Variants in FRA10AC1 observed in about 807,000 individuals in gnomAD.
FRA10AC1 encodes the protein FRA10A associated CGG repeat 1, also known as protein FRA10AC1.
Under a neutral mutation model 56.5 loss-of-function variants are expected in FRA10AC1, and 43 were observed. The observed-to-expected ratio is 0.76, with a 90% CI of 0.60 to 0.98. The LOEUF (loss-of-function observed/expected upper bound fraction) is 0.98. Ranked by LOEUF, FRA10AC1 falls within the 50% of genes least tolerant of loss-of-function variation. FRA10AC1 has a pLI of 0.00. For missense variants in FRA10AC1, 346 were observed against 351.8 expected, an observed-to-expected ratio of 0.98 and a Z score of 0.13; for synonymous variants, 112 against 110.5, an observed-to-expected ratio of 1.01 and a Z score of -0.09.
chr10:93,672,254 G>A lies in FRA10AC1; in HGVS notation c.827-1406C>T, dbSNP rs901914634. ...GTGTGTCTGAACTTTGCTCCTAACT[G>A]AATCTATTCTGACACCAATTCTAGC... On this transcript the variant is annotated intron_variant, in intron 12 of 13. Coordinates refer to ENST00000359204, the MANE Select transcript of FRA10AC1 (RefSeq NM_145246.5). The A allele has an allele frequency of 3.4e-5, 8 of 233,532 alleles. No individual in the cohort carries two copies. The East Asian group carries it at 1.1e-3, about 31-fold the overall frequency. The allele number at this position is 233,532 out of a possible 1,614,324, so 14.5% of individuals were successfully genotyped here. A position where few individuals can be genotyped will look rare whatever the true frequency, so the allele number is the denominator to read the frequency against.
rs970865144 is a variant in FRA10AC1 at position 93,676,752 on chromosome 10, C to G, written c.788-61G>C. The stretch of plus-strand genomic sequence containing the variant: ...TCTTGTAATAGTGCAATCATTGTAG[C>G]TATAACCAGAATTCTTAGCAATATT... On this transcript the variant is annotated intron_variant, in intron 11 of 13. Transcript: ENST00000359204. The G allele has an allele frequency of 8.1e-6, 12 of 1,486,336 alleles. No individual in the cohort carries two copies. In the African/African-American group the frequency reaches 1.4e-4, roughly 18 times the overall value. 92.1% of individuals were successfully genotyped at this position (1,486,336 alleles called of 1,614,324 possible).
At chr10:93,697,064 TAATAA>T (rs946844555) in intron 4 of FRA10AC1, among the ~76,000 whole-genome samples, 24 of 151,696 alleles carry the variant, frequency 1.6e-4, no homozygotes, top group African/African-American at 5.6e-4. Context: ...GAATTTAAAG[TAATAA>T]AATAAAATAA....
intron 7 of FRA10AC1, chr10:93,687,754 G>C (rs561695915): frequency 7.2e-5 from 14 of 194,960 alleles, no homozygotes; most frequent in Non-Finnish European, 1.3e-4. Flanking sequence ...GTATAGTAAA[G>C]AGGTAGTATA....
chr10:93,697,131 C>A (rs1397950211), intron 4 of FRA10AC1, among the ~76,000 whole-genome samples: 1 of 151,460 alleles, frequency 6.6e-6, no homozygotes, highest in Non-Finnish European at 1.5e-5. Flanking sequence ...AACAAACAAA[C>A]AAAAAAAACT....
intron 10 of FRA10AC1, among the ~76,000 whole-genome samples, chr10:93,682,119 G>C (rs954475375): frequency 6.6e-6 from 1 of 152,030 alleles, no homozygotes; most frequent in Non-Finnish European, 1.5e-5. Context: ...TCAACATCAG[G>C]CCACTTATAA....
chr10:93,693,536 A>G, intron 5 of FRA10AC1, among the ~76,000 whole-genome samples: 1 of 105,542 alleles, frequency 9.5e-6, no homozygotes, highest in Non-Finnish European at 1.9e-5. Flanking sequence ...TACACCATAT[A>G]TATATATATA....
chr10:93,674,839 A>T (rs945999930), intron 12 of FRA10AC1: 4 of 152,192 alleles, frequency 2.6e-5, no homozygotes, highest in African/African-American at 9.6e-5. Context: ...AATTTTTTCT[A>T]TATTGCATAA....
At chr10:93,697,457 C>T (rs149761651) in intron 4 of FRA10AC1, among the ~76,000 whole-genome samples, 3 of 152,334 alleles carry the variant, frequency 2.0e-5, no homozygotes, top group Non-Finnish European at 4.4e-5. Context: ...ATTCTGATCA[C>T]AGCAATAAAT....
intron 12 of FRA10AC1, chr10:93,673,798 C>T (rs1426682054): frequency 4.2e-5 from 19 of 450,742 alleles, no homozygotes; most frequent in East Asian, 7.0e-5. Context: ...AATAATCCAA[C>T]GAAGTAGGTC....
Position 93,694,539 on chromosome 10 carries a change from C to G in FRA10AC1, c.296+322G>C, listed in dbSNP as rs374737756. ...GACCAGCCTGGCCAAGATGGTGAAA[C>G]CCCGTCTCTACTAAAAATACAAAAA... On this transcript the variant is annotated intron_variant, in intron 5 of 13. Transcript: ENST00000359204. Among the ~76,000 whole-genome samples, 5 of 151,768 alleles carry G rather than the reference C, an allele frequency of 3.3e-5. No individual in the cohort carries two copies. The East Asian group carries it at 9.7e-4, about 29-fold the overall frequency.
chr10:93,681,727 G>T, intron 10 of FRA10AC1, 129 bp from the exon 11 acceptor site: 2 of 795,366 alleles, frequency 2.5e-6, no homozygotes, highest in Non-Finnish European at 3.6e-6. Context: ...ATATAATAAG[G>T]AACGTTAAGT....
At chr10:93,686,707 GT>G (rs1172251594) in intron 8 of FRA10AC1, among the ~76,000 whole-genome samples, 2 of 151,632 alleles carry the variant, frequency 1.3e-5, no homozygotes, top group African/African-American at 4.8e-5. Flanking sequence ...CATTTAAAAG[GT>G]TTTTTAAAGT....
At chr10:93,697,415 G>A (rs2059251417) in intron 4 of FRA10AC1, among the ~76,000 whole-genome samples, 2 of 152,304 alleles carry the variant, frequency 1.3e-5, no homozygotes, top group African/African-American at 4.8e-5. Flanking sequence ...CAGGTAGGGG[G>A]CGTATCAAAT....
chr10:93,690,966 A>C (rs1415902019), intron 7 of FRA10AC1, among the ~76,000 whole-genome samples: 1 of 152,172 alleles, frequency 6.6e-6, no homozygotes, highest in African/African-American at 2.4e-5. Context: ...TATTAAATCA[A>C]CCCTGGTTCT....
intron 6 of FRA10AC1, 128 bp from the exon 7 acceptor site, chr10:93,692,221 C>CA (rs1243834734): frequency 1.6e-6 from 1 of 638,080 alleles, no homozygotes; most frequent in African/African-American, 1.9e-5. Context: ...CTTACATGTG[C>CA]ATGGAATATC....
intron 12 of FRA10AC1, chr10:93,674,370 A>G (rs1477462673): frequency 6.6e-6 from 1 of 152,168 alleles, no homozygotes; most frequent in Non-Finnish European, 1.5e-5. Context: ...GTATTGTCCA[A>G]ATGGAAATAA....
chr10:93,677,818 G>A (rs992032236), intron 11 of FRA10AC1, among the ~76,000 whole-genome samples: 9 of 152,130 alleles, frequency 5.9e-5, no homozygotes, highest in Admixed American at 3.9e-4. Flanking sequence ...GTTCCTAAAT[G>A]CTGCCCAGAG....
intron 7 of FRA10AC1, among the ~76,000 whole-genome samples, chr10:93,690,403 C>T (rs1410474268): frequency 3.3e-5 from 5 of 152,050 alleles, no homozygotes; most frequent in East Asian, 3.9e-4. Flanking sequence ...CTTTAAAGTA[C>T]GATTTCTAGT....
rs966587638 is a variant in FRA10AC1, at chr10:93,668,829, G to C, written c.*997C>G. The C allele has an allele frequency of 6.6e-6, 1 of 152,122 alleles. No homozygotes were observed. The highest frequency in any genetic ancestry group is 2.4e-5 in the African/African-American group (1 of 41,412). The allele number at this position is 152,122 out of a possible 1,614,324, so 9.4% of individuals were successfully genotyped here. On this transcript the variant is annotated 3_prime_UTR_variant, in exon 14 of 14. Transcript: ENST00000359204. ...CCTCCTATAAAATGTGGGAATTATG[G>C]GAGTACACATTCAAGATGAGATTTG... is the stretch of plus-strand genomic sequence containing the variant.
Sources: gnomAD v4.1 joint callset for allele counts (sites outside exome capture counted in the v4.1 genomes callset) on GRCh38, gnomAD v4.1.1 for gene constraint, MANE v1.5 for transcripts, NCBI Gene and HGNC (gene_info 2026-07-23, HGNC 2026-07-21) for gene names.